The following DECR1 variants were observed in gnomAD, a reference collection of about 807,000 sequenced individuals.
DECR1 encodes the protein 2,4-dienoyl-CoA reductase [(3E)-enoyl-CoA-producing], mitochondrial.
Under a neutral mutation model 38.8 loss-of-function variants are expected in DECR1, and 44 were observed. The ratio of observed to expected loss-of-function variants is 1.13; its 90% CI spans 0.89 to 1.46. The LOEUF (loss-of-function observed/expected upper bound fraction) is 1.46, where lower values mean the gene tolerates loss of function less well. Among genes scored for constraint, DECR1 ranks in the 40% most tolerant of loss-of-function variants. The pLI is 0.00. For missense variants in DECR1, 428 were observed against 405.5 expected (o/e 1.06, Z -0.48); for synonymous variants, 148 against 135.2 (o/e 1.09, Z -0.66).
intron 5 of DECR1, chr8:90,029,532 A>T (rs903934110): frequency 2.0e-5 from 3 of 152,330 alleles, no homozygotes; most frequent in African/African-American, 4.8e-5. Context: ...AAGAATAAAA[A>T]CAAAGGACTG....
chr8:90,033,864 T>C (rs1813556310), intron 5 of DECR1, among the ~76,000 whole-genome samples: 1 of 152,212 alleles, frequency 6.6e-6, no homozygotes, highest in South Asian at 2.1e-4. Context: ...GCATTTGCTT[T>C]GTATTTGCCA....
At chr8:90,027,371 G>T (rs879927046) in intron 5 of DECR1, among the ~76,000 whole-genome samples, 14 of 152,082 alleles carry the variant, frequency 9.2e-5, no homozygotes, top group Non-Finnish European at 1.9e-4. Context: ...CTCTTTGTAG[G>T]TCTCTAAGGA....
At chr8:90,002,022 C>G (rs1048493006) in intron 1 of DECR1, among the ~76,000 whole-genome samples, 1 of 152,120 alleles carries the variant, frequency 6.6e-6, no homozygotes, top group Non-Finnish European at 1.5e-5. Flanking sequence ...CGGGAGTGAG[C>G]ACCGGGGCCC....
intron 7 of DECR1, 87 bp downstream of exon 7, chr8:90,042,887 T>G (rs999698809): frequency 1.8e-6 from 2 of 1,117,164 alleles, no homozygotes; most frequent in Non-Finnish European, 2.7e-6. Flanking sequence ...TGTAAAGGAC[T>G]TTCCAGAGAT....
chr8:90,024,318 G>C (rs1813247066), intron 5 of DECR1, among the ~76,000 whole-genome samples: 1 of 152,188 alleles, frequency 6.6e-6, no homozygotes, highest in African/African-American at 2.4e-5. Context: ...GGTTGAACTA[G>C]TTTACAGTCC....
chr8:90,018,887 C>A lies in DECR1; in HGVS notation c.273-22C>A. The A allele has an allele frequency of 1.9e-6, 3 of 1,549,286 alleles. No homozygotes were observed. In the South Asian group the frequency reaches 3.5e-5, roughly 18 times the overall value. On this transcript the variant is annotated intron_variant, in intron 2 of 9. Transcript: ENST00000220764. Reference sequence around the variant, plus strand: ...GAAATTGAAAAATATAATATGAAGTCATACAAGGTGTTTATTTCTAGGAAG... The same window carrying A: ...GAAATTGAAAAATATAATATGAAGTAATACAAGGTGTTTATTTCTAGGAAG...
At chr8:90,050,277 A>G (rs965520675) in intron 8 of DECR1, among the ~76,000 whole-genome samples, 50 of 152,240 alleles carry the variant, frequency 3.3e-4, no homozygotes, top group African/African-American at 1.0e-3. Flanking sequence ...CAATCTACCC[A>G]TCTGACAAAG....
chr8:90,013,594 A>G (rs1382226812), intron 1 of DECR1, among the ~76,000 whole-genome samples: 3 of 152,012 alleles, frequency 2.0e-5, no homozygotes, highest in Admixed American at 6.6e-5. Flanking sequence ...GGGCAGTCGT[A>G]GTTGTACTTA....
chr8:90,023,703 T>C (rs1377301473), intron 5 of DECR1, among the ~76,000 whole-genome samples: 1 of 151,978 alleles, frequency 6.6e-6, no homozygotes, highest in Non-Finnish European at 1.5e-5. Context: ...ATCTTCTATA[T>C]CTAGTTTGCT....
chr8:90,048,280 G>C (rs1229670476), intron 8 of DECR1, among the ~76,000 whole-genome samples: 1 of 151,930 alleles, frequency 6.6e-6, no homozygotes, highest in East Asian at 1.9e-4. Flanking sequence ...AAAATTGATA[G>C]ACCGCTAGCA....
At chr8:90,042,418 T>C in intron 6 of DECR1, 1 of 255,370 alleles carries the variant, frequency 3.9e-6, no homozygotes, top group Non-Finnish European at 7.5e-6. Context: ...AAACTACAAA[T>C]GGTAGGTGGT....
chr8:90,034,926 C>A (rs1396145836), intron 5 of DECR1, among the ~76,000 whole-genome samples: 1 of 152,078 alleles, frequency 6.6e-6, no homozygotes, highest in African/African-American at 2.4e-5. Flanking sequence ...TTTTGACAAT[C>A]TCAGTTTCTC....
chr8:90,042,931 G>A (rs1563653751), intron 7 of DECR1, 131 bp downstream of exon 7: 3 of 719,332 alleles, frequency 4.2e-6, no homozygotes, highest in East Asian at 2.5e-5. Context: ...TAGGGAAGAG[G>A]CCTTTGCCTT....
chr8:90,004,865 A>G (rs1216798648), intron 1 of DECR1, among the ~76,000 whole-genome samples: 1 of 152,236 alleles, frequency 6.6e-6, no homozygotes, highest in African/African-American at 2.4e-5. Flanking sequence ...TATATAAATC[A>G]CATTTCTTGC....
chr8:90,038,131 G>A (rs1813658261), intron 6 of DECR1, among the ~76,000 whole-genome samples: 1 of 152,144 alleles, frequency 6.6e-6, no homozygotes, highest in South Asian at 2.1e-4. Context: ...AAATAGAACA[G>A]TCCTCGTTGT....
chr8:90,032,018 A>G (rs1019498558), intron 5 of DECR1, among the ~76,000 whole-genome samples: 2 of 152,194 alleles, frequency 1.3e-5, no homozygotes, highest in African/African-American at 4.8e-5. Context: ...TTAATATATC[A>G]TATGCTTATA....
intron 5 of DECR1, 148 bp downstream of exon 5, chr8:90,021,204 T>A: frequency 1.8e-6 from 1 of 566,568 alleles, no homozygotes; most frequent in Non-Finnish European, 2.7e-6. Context: ...TAAATAATTA[T>A]CATATGTTAC....
intron 5 of DECR1, among the ~76,000 whole-genome samples, chr8:90,030,691 C>G (rs952947278): frequency 6.6e-6 from 1 of 152,196 alleles, no homozygotes; most frequent in African/African-American, 2.4e-5. Context: ...CCTTATTCGT[C>G]AGTAGTGTGA....
Position 90,042,752 on chromosome 8 carries a change from A to G in DECR1, c.690A>G (p.Lys230=), listed in dbSNP as rs1461453725. 3.1e-6 allele frequency: 5 copies of G among 1,613,608 alleles called. No homozygotes were observed. The African/African-American group carries it at 6.7e-5, about 22-fold the overall frequency. ...MSKSLAAEWG[K]YGMRFNVIQP... is the part of the protein sequence containing the mutation. ...GGTCTCTTGCAGCTGAATGGGGTAA[A>G]TATGGAATGCGATTCAATGTGATTC... Residue 230 remains lysine (K), a synonymous_variant, in exon 7 of 10, where the codon AAA becomes AAG. Transcript: ENST00000220764.
Sources: gnomAD v4.1 joint callset for allele counts (sites outside exome capture counted in the v4.1 genomes callset) on GRCh38, gnomAD v4.1.1 for gene constraint, MANE v1.5 for transcripts, NCBI Gene and HGNC (gene_info 2026-07-23, HGNC 2026-07-21) for gene names.